The following CCDC82 variants were observed in gnomAD, a reference collection of about 807,000 sequenced individuals.
The protein encoded by CCDC82 is coiled-coil domain-containing protein 82.
A neutral mutation model predicts 60.6 loss-of-function variants in CCDC82; 47 were observed. That is an observed-to-expected ratio of 0.77 (90% confidence interval 0.61 to 0.99). The LOEUF (loss-of-function observed/expected upper bound fraction) is 0.99. Among genes scored for constraint, CCDC82 ranks in the 50% least tolerant of loss-of-function variants. The pLI is 0.00. For synonymous variants in CCDC82, 212 were observed against 207.4 expected (o/e 1.02, Z -0.19); for missense variants, 588 against 633.0 (o/e 0.93, Z 0.76).
intron 7 of CCDC82, among the ~76,000 whole-genome samples, chr11:96,367,820 CTT>C (rs777554159): frequency 2.2e-4 from 27 of 122,700 alleles, no homozygotes; most frequent in Admixed American, 4.4e-4. Context: ...AAATGTATTT[CTT>C]TTTTTTTTTT....
intron 9 of CCDC82, chr11:96,356,913 A>G: frequency 2.0e-6 from 2 of 985,494 alleles, no homozygotes; most frequent in Non-Finnish European, 2.4e-6. Flanking sequence ...AGCTGGAGGC[A>G]GAAAGACAGG....
At chr11:96,389,355 G>T (rs1480329600) in intron 1 of CCDC82, 1 of 152,206 alleles carries the variant, frequency 6.6e-6, no homozygotes, top group Non-Finnish European at 1.5e-5. Context: ...TGACTTTCAT[G>T]ATTACAAACC....
At chr11:96,371,173 G>A in intron 6 of CCDC82, 36 bp from the exon 7 acceptor site, 3 of 1,418,760 alleles carry the variant, frequency 2.1e-6, no homozygotes, top group Non-Finnish European at 2.8e-6. Flanking sequence ...AAATCATTTT[G>A]TTAATTAGAA....
At chr11:96,353,785 C>T in intron 9 of CCDC82, 71 bp from the exon 10 acceptor site, 2 of 996,578 alleles carry the variant, frequency 2.0e-6, no homozygotes, top group Non-Finnish European at 3.1e-6. Context: ...TTGCAAACTA[C>T]AGACACAATT....
chr11:96,365,493 A>G (rs1482939190), intron 7 of CCDC82, among the ~76,000 whole-genome samples: 1 of 152,180 alleles, frequency 6.6e-6, no homozygotes, highest in Non-Finnish European at 1.5e-5. Context: ...AAAATGTAGG[A>G]TGATATAAGA....
intron 5 of CCDC82, among the ~76,000 whole-genome samples, chr11:96,379,071 T>C (rs1057508519): frequency 3.3e-5 from 5 of 151,982 alleles, no homozygotes; most frequent in Admixed American, 1.3e-4. Context: ...CAAATTCTCA[T>C]ATGTTGAATA....
At chr11:96,388,500 CTA>C (rs1265553216) in intron 1 of CCDC82, 1 of 152,170 alleles carries the variant, frequency 6.6e-6, no homozygotes, top group African/African-American at 2.4e-5. Context: ...ACATACATAG[CTA>C]TGTTATCTGC....
In CCDC82 at chr11:96,370,987, C is replaced by T. The variant is rs1297782182; in HGVS notation, c.1209+26G>A. 1.3e-6 allele frequency: 2 copies of T among 1,489,790 alleles called. 1 individual carries two copies. The highest frequency in any genetic ancestry group is 2.9e-5 in the South Asian group (2 of 67,804). The allele number at this position is 1,489,790 out of a possible 1,614,324, so 92.3% of individuals were successfully genotyped here. A position where few individuals can be genotyped will look rare whatever the true frequency, so the allele number is the denominator to read the frequency against. On this transcript the variant is annotated intron_variant, in intron 7 of 9. Coordinates refer to ENST00000646818, the MANE Select transcript of CCDC82 (RefSeq NM_024725.4). The stretch of plus-strand genomic sequence containing the variant: ...AGGTTTGCTGCCCCCAACCCCCAAG[C>T]AGAGATTCAAAAACAAACTGTGTAC...
At chr11:96,356,643 ATTATGT>A in intron 9 of CCDC82, 1 of 953,948 alleles carries the variant, frequency 1.0e-6, no homozygotes. Flanking sequence ...GACATGCATT[ATTATGT>A]TTATTAAATA....
At chr11:96,385,349 A>G (rs1866133512) in intron 3 of CCDC82, 1 of 152,438 alleles carries the variant, frequency 6.6e-6, no homozygotes, top group African/African-American at 2.4e-5. Context: ...TGTATAAAAA[A>G]GAGTTTTATG....
At chr11:96,361,790 A>C (rs1345648075) in intron 8 of CCDC82, among the ~76,000 whole-genome samples, 2 of 152,254 alleles carry the variant, frequency 1.3e-5, no homozygotes, top group Admixed American at 1.3e-4. Context: ...AAATGTCCAG[A>C]AAAATATATT....
chr11:96,366,485 T>C (rs1025522712), intron 7 of CCDC82, among the ~76,000 whole-genome samples: 8 of 152,240 alleles, frequency 5.3e-5, no homozygotes, highest in Non-Finnish European at 1.5e-5. Flanking sequence ...GGCATGGGTT[T>C]TGGAGTCTGA....
At chr11:96,389,069 T>C (rs976238734) in intron 1 of CCDC82, 2 of 152,150 alleles carry the variant, frequency 1.3e-5, no homozygotes, top group Admixed American at 1.3e-4. Flanking sequence ...CACACTGCTA[T>C]GAATAAATTT....
chr11:96,365,231 T>A, intron 7 of CCDC82, 81 bp from the exon 8 acceptor site: 1 of 922,640 alleles, frequency 1.1e-6, no homozygotes, highest in Non-Finnish European at 1.6e-6. Context: ...TAAAACATCT[T>A]AGGGATTACA....
intron 7 of CCDC82, among the ~76,000 whole-genome samples, chr11:96,365,438 C>T (rs981879271): frequency 6.6e-6 from 1 of 152,076 alleles, no homozygotes; most frequent in Non-Finnish European, 1.5e-5. Context: ...CATTTCTCAT[C>T]TCTAGTTAGT....
chr11:96,389,537 A>C (rs990723324), intron 1 of CCDC82: 3 of 152,208 alleles, frequency 2.0e-5, no homozygotes, highest in Non-Finnish European at 4.4e-5. Flanking sequence ...CACCGAGAAA[A>C]CAATTACAAG....
At chr11:96,368,957 G>GT (rs1280398833) in intron 7 of CCDC82, among the ~76,000 whole-genome samples, 3 of 152,060 alleles carry the variant, frequency 2.0e-5, no homozygotes, top group Admixed American at 6.5e-5. Context: ...ATCTTAGCTA[G>GT]TTTTTCTGGA....
chr11:96,388,107 G>A (rs1866304074), intron 1 of CCDC82: 1 of 152,186 alleles, frequency 6.6e-6, no homozygotes, highest in Non-Finnish European at 1.5e-5. Context: ...TACTGAAAAG[G>A]AAAGACACTT....
chr11:96,383,684 G>A (rs1866004641), intron 4 of CCDC82, among the ~76,000 whole-genome samples: 1 of 151,818 alleles, frequency 6.6e-6, no homozygotes, highest in Non-Finnish European at 1.5e-5. Flanking sequence ...GATGTAAAAT[G>A]TTTAAAATGG....
Sources: allele counts gnomAD v4.1 joint callset (sites outside exome capture counted in the v4.1 genomes callset), GRCh38; gene constraint gnomAD v4.1.1; transcripts MANE v1.5; gene names NCBI Gene and HGNC (gene_info 2026-07-23, HGNC 2026-07-21).